The following FMN1 variants were observed in gnomAD, a reference collection of about 807,000 sequenced individuals.
The protein encoded by FMN1 is formin 1, also known as formin-1.
In FMN1, 110 loss-of-function variants were observed where a neutral mutation model predicts 132.4. That is an observed-to-expected ratio of 0.83 (90% CI 0.71 to 0.97). The LOEUF is 0.97. Among genes scored for constraint, FMN1 ranks in the 50% least tolerant of loss-of-function variants. The probability of loss-of-function intolerance (pLI) is 0.00; values close to 1 mark genes in which losing one functional copy is unlikely to be tolerated. For missense variants in FMN1, 1,792 were observed against 1,705.3 expected (o/e 1.05, Z -0.90); for synonymous variants, 722 against 651.7 (o/e 1.11, Z -1.64).
At chr15:33,029,994 A>G (rs1275961448) in intron 6 of FMN1, among the ~76,000 whole-genome samples, 4 of 152,150 alleles carry the variant, frequency 2.6e-5, no homozygotes, top group African/African-American at 9.7e-5. Flanking sequence ...CGTCTCTACT[A>G]AAAATACAAA....
chr15:33,008,323 A>G (rs907843569), intron 6 of FMN1, among the ~76,000 whole-genome samples: 1 of 152,180 alleles, frequency 6.6e-6, no homozygotes, highest in Non-Finnish European at 1.5e-5. Flanking sequence ...GTTAAAAGAA[A>G]AAAAAAGGGA....
chr15:32,809,807 ACTGGCTTGCAG>A (rs1444298956), intron 17 of FMN1, among the ~76,000 whole-genome samples: 1 of 152,140 alleles, frequency 6.6e-6, no homozygotes, highest in African/African-American at 2.4e-5. Context: ...TGTCAAGGTC[ACTGGCTTGCAG>A]CTGGCTTTTC....
chr15:32,906,875 A>AG (rs564836903), intron 12 of FMN1, among the ~76,000 whole-genome samples: 2 of 152,152 alleles, frequency 1.3e-5, no homozygotes, highest in African/African-American at 4.8e-5. Flanking sequence ...ACCTACTTTG[A>AG]GGGGGGATCC....
intron 6 of FMN1, among the ~76,000 whole-genome samples, chr15:33,059,840 G>A (rs1031822493): frequency 3.9e-5 from 6 of 152,114 alleles, no homozygotes; most frequent in African/African-American, 1.4e-4. Flanking sequence ...ACTCTCCTGA[G>A]CCAAAGATCT....
chr15:32,875,988 T>C (rs1324173091), intron 16 of FMN1, among the ~76,000 whole-genome samples: 1 of 152,140 alleles, frequency 6.6e-6, no homozygotes, highest in African/African-American at 2.4e-5. Context: ...ATGCCTGCCC[T>C]ACTCACTTGG....
At chr15:33,162,188 T>C (rs756929183) in intron 3 of FMN1, among the ~76,000 whole-genome samples, 12 of 151,998 alleles carry the variant, frequency 7.9e-5, no homozygotes, top group Non-Finnish European at 1.3e-4. Flanking sequence ...AATTTTTGTA[T>C]ATTTTGTAGA....
At chr15:32,881,307 T>C (rs1262718230) in intron 16 of FMN1, among the ~76,000 whole-genome samples, 4 of 152,198 alleles carry the variant, frequency 2.6e-5, no homozygotes, top group Non-Finnish European at 1.5e-5. Flanking sequence ...AAAAGTTGGA[T>C]TGCTTCTCAC....
intron 17 of FMN1, among the ~76,000 whole-genome samples, chr15:32,840,154 G>A (rs1187671388): frequency 6.6e-6 from 1 of 152,206 alleles, no homozygotes; most frequent in African/African-American, 2.4e-5. Flanking sequence ...CTAGGGTGCT[G>A]CTCACCCATT....
intron 6 of FMN1, among the ~76,000 whole-genome samples, chr15:33,017,767 T>C (rs1274004044): frequency 1.3e-5 from 2 of 152,248 alleles, no homozygotes; most frequent in African/African-American, 4.8e-5. Context: ...TGTGTCCTAC[T>C]AAAATCCATA....
chr15:32,931,383 T>C (rs2061112698), intron 9 of FMN1, among the ~76,000 whole-genome samples: 1 of 152,224 alleles, frequency 6.6e-6, no homozygotes, highest in Non-Finnish European at 1.5e-5. Context: ...TGTTTTATAG[T>C]TTTCAAAACT....
intron 18 of FMN1, among the ~76,000 whole-genome samples, chr15:32,802,496 T>C (rs1292489230): frequency 6.6e-6 from 1 of 152,076 alleles, no homozygotes; most frequent in Non-Finnish European, 1.5e-5. Flanking sequence ...CCTTAAAGAG[T>C]ATAACCAAAC....
At chr15:33,016,281 T>C (rs775419617) in intron 6 of FMN1, among the ~76,000 whole-genome samples, 4 of 152,192 alleles carry the variant, frequency 2.6e-5, no homozygotes, top group Non-Finnish European at 4.4e-5. Flanking sequence ...TCTCTGACCA[T>C]TTCTAACATT....
At chr15:33,165,414 G>A (rs1030812829) in intron 3 of FMN1, among the ~76,000 whole-genome samples, 5 of 151,998 alleles carry the variant, frequency 3.3e-5, no homozygotes, top group Admixed American at 2.0e-4. Context: ...TTTTTGAGAC[G>A]GAGTCTCGCT....
At chr15:33,020,224 G>T (rs1203329935) in intron 6 of FMN1, among the ~76,000 whole-genome samples, 3 of 152,178 alleles carry the variant, frequency 2.0e-5, no homozygotes, top group Admixed American at 2.0e-4. Flanking sequence ...CTCAACTTGT[G>T]GTATCAAATA....
chr15:33,142,581 A>C, intron 4 of FMN1, among the ~76,000 whole-genome samples: 1 of 152,230 alleles, frequency 6.6e-6, no homozygotes, highest in East Asian at 1.9e-4. Context: ...CCATCTGTAA[A>C]GATCTTGCTC....
intron 17 of FMN1, among the ~76,000 whole-genome samples, chr15:32,821,411 T>C (rs1382085250): frequency 6.6e-6 from 1 of 151,808 alleles, no homozygotes; most frequent in Admixed American, 6.6e-5. Context: ...GGTTTGAACA[T>C]GATAAATTCT....
intron 3 of FMN1, among the ~76,000 whole-genome samples, chr15:33,158,801 C>A (rs1964778743): frequency 6.6e-6 from 1 of 152,152 alleles, no homozygotes; most frequent in African/African-American, 2.4e-5. Context: ...TGGTATAAAT[C>A]ACTTAGAAAG....
chr15:32,868,949 TG>T (rs1414143047), intron 16 of FMN1, among the ~76,000 whole-genome samples: 3 of 152,098 alleles, frequency 2.0e-5, no homozygotes, highest in African/African-American at 7.2e-5. Context: ...TGTGGTGTGA[TG>T]GAACGCTGGG....
At position 32,903,743 on chromosome 15, in the gene FMN1, C is replaced by A. The variant is rs958574292; in HGVS notation, c.3378-1703G>T. On this transcript the variant is annotated intron_variant, in intron 12 of 20. Coordinates refer to ENST00000616417, the MANE Select transcript of FMN1 (RefSeq NM_001277313.2). Reference sequence around the variant, plus strand: ...AATCTCAAAAGAGGAAGCATAGGACCAATATGAGGCGACAAGACCATAGTC... The same window carrying A: ...AATCTCAAAAGAGGAAGCATAGGACAAATATGAGGCGACAAGACCATAGTC... Among the ~76,000 whole-genome samples, 3 of 152,226 alleles carry A rather than the reference C, an allele frequency of 2.0e-5. No homozygotes were observed. The South Asian group carries it at 6.2e-4, about 32-fold the overall frequency.
Sources: gnomAD v4.1 joint callset for allele counts (sites outside exome capture counted in the v4.1 genomes callset) on GRCh38, gnomAD v4.1.1 for gene constraint, MANE v1.5 for transcripts, NCBI Gene and HGNC (gene_info 2026-07-23, HGNC 2026-07-21) for gene names.